Variants in PCNX2 observed in about 807,000 individuals in gnomAD.
The protein encoded by PCNX2 is pecanex-like protein 2.
PCNX2 carries 168 observed loss-of-function variants against 223.8 expected under a neutral mutation model. The observed-to-expected ratio is 0.75, with a 90% CI of 0.66 to 0.85. The LOEUF (loss-of-function observed/expected upper bound fraction) is 0.85. Ranked by LOEUF, PCNX2 falls within the 40% of genes least tolerant of loss-of-function variation. PCNX2 has a pLI of 0.00. For synonymous variants in PCNX2, 1,006 were observed against 1,052.6 expected (o/e 0.96, Z 0.86); for missense variants, 2,507 against 2,675.5 (o/e 0.94, Z 1.39).
At chr1:233,250,462 G>C (rs1293218527) in intron 8 of PCNX2, 1 of 767,418 alleles carries the variant, frequency 1.3e-6, no homozygotes, top group Non-Finnish European at 1.6e-6. Flanking sequence ...CATCTTTCTT[G>C]AAGAGAACAT....
chr1:233,215,260 T>C (rs1682055491), intron 12 of PCNX2, among the ~76,000 whole-genome samples: 1 of 152,226 alleles, frequency 6.6e-6, no homozygotes, highest in Admixed American at 6.5e-5. Context: ...AGAAATATTT[T>C]ATAGCTACCA....
chr1:233,184,748 G>A (rs1197101141), intron 15 of PCNX2, among the ~76,000 whole-genome samples: 1 of 152,080 alleles, frequency 6.6e-6, no homozygotes, highest in Non-Finnish European at 1.5e-5. Context: ...AGGAGTAAAT[G>A]GCAATGTGGC....
intron 15 of PCNX2, among the ~76,000 whole-genome samples, chr1:233,187,844 T>C (rs1315387135): frequency 6.6e-6 from 1 of 152,142 alleles, no homozygotes; most frequent in African/African-American, 2.4e-5. Context: ...GACTTATTAT[T>C]CCTGGTCTCT....
chr1:233,112,715 A>ATC, intron 21 of PCNX2: 1 of 644,122 alleles, frequency 1.6e-6, no homozygotes, highest in Non-Finnish European at 2.0e-6. Context: ...ATCTTTGAAC[A>ATC]ATATAACTAA....
At chr1:233,172,619 T>C (rs759720932) in intron 17 of PCNX2, 49 of 905,660 alleles carry the variant, frequency 5.4e-5, no homozygotes, top group Non-Finnish European at 5.8e-5. Context: ...ATTCCTGTTC[T>C]CCATAGTTCG....
intron 17 of PCNX2, among the ~76,000 whole-genome samples, chr1:233,169,631 C>A (rs375682141): frequency 7.9e-6 from 1 of 126,636 alleles, no homozygotes; most frequent in Non-Finnish European, 1.6e-5. Flanking sequence ...GGCGACAGAG[C>A]GAAACTCCGT....
intron 7 of PCNX2, among the ~76,000 whole-genome samples, chr1:233,251,887 G>A (rs550949299): frequency 6.6e-6 from 1 of 152,192 alleles, no homozygotes; most frequent in Non-Finnish European, 1.5e-5. Context: ...TTATAACAAG[G>A]TGCTGAAAAA....
chr1:233,290,047 G>A (rs1412143370), intron 1 of PCNX2, among the ~76,000 whole-genome samples: 1 of 151,932 alleles, frequency 6.6e-6, no homozygotes, highest in African/African-American at 2.4e-5. Flanking sequence ...AGAAGTAAAG[G>A]AGGAAGGAAG....
chr1:232,984,461 C>T lies in PCNX2; in HGVS notation c.6257G>A (p.Cys2086Tyr), dbSNP rs763475531. ...CTGCTCGGTGGCATCAGGGGGCTCA[C>T]ATGGCTCGGAGAGGTGCTTCCAAAG... is the stretch of plus-strand genomic sequence containing the variant. ...SQATRHLSEP[C>Y]EPPDATEQGQ... is the part of the protein sequence containing the mutation. The change falls in exon 34 of 34, where the codon TGT becomes TAT. Residue 2086 changes from cysteine to tyrosine, a missense_variant. Transcript: ENST00000258229. 1 of 1,613,170 alleles carries T rather than the reference C, an allele frequency of 6.2e-7. No individual in the cohort carries two copies. Among genetic ancestry groups the T allele is most frequent in the East Asian group, 2.2e-5 (1 of 44,834 alleles).
intron 23 of PCNX2, among the ~76,000 whole-genome samples, chr1:233,071,813 CTT>C (rs1189063899): frequency 1.3e-5 from 2 of 152,064 alleles, no homozygotes. Context: ...ATCTGTTATT[CTT>C]TGACTTTTTA....
At chr1:233,098,711 G>T (rs1342379424) in intron 21 of PCNX2, among the ~76,000 whole-genome samples, 1 of 152,120 alleles carries the variant, frequency 6.6e-6, no homozygotes, top group African/African-American at 2.4e-5. Flanking sequence ...ACCAGAAAAA[G>T]GATGTGTTCT....
intron 23 of PCNX2, among the ~76,000 whole-genome samples, chr1:233,062,462 G>C (rs1303290140): frequency 6.6e-6 from 1 of 151,718 alleles, no homozygotes; most frequent in Non-Finnish European, 1.5e-5. Flanking sequence ...TATAAGTTTT[G>C]CTACGTGACT....
At chr1:233,178,492 A>G (rs1016492015) in intron 16 of PCNX2, among the ~76,000 whole-genome samples, 2 of 152,254 alleles carry the variant, frequency 1.3e-5, no homozygotes, top group African/African-American at 4.8e-5. Context: ...GATATGATTA[A>G]AGGGAAGATT....
At chr1:233,237,947 A>G (rs1451612968) in intron 8 of PCNX2, among the ~76,000 whole-genome samples, 1 of 152,208 alleles carries the variant, frequency 6.6e-6, no homozygotes, top group Non-Finnish European at 1.5e-5. Flanking sequence ...AAATTTTTCT[A>G]TAGTTCTTAA....
chr1:233,292,202 C>CTTTTTTTTTT (rs963996089), intron 1 of PCNX2, among the ~76,000 whole-genome samples: 12 of 109,488 alleles, frequency 1.1e-4, no homozygotes, highest in African/African-American at 1.6e-4. Context: ...TTCTTTCTTT[C>CTTTTTTTTTT]TTTTTTTTTT....
At chr1:233,164,595 C>A (rs1024289848) in intron 17 of PCNX2, among the ~76,000 whole-genome samples, 2 of 150,684 alleles carry the variant, frequency 1.3e-5, no homozygotes, top group Non-Finnish European at 1.5e-5. Flanking sequence ...TATATGATAC[C>A]ATTTTTGCAT....
chr1:233,236,711 A>T (rs1335887586), intron 9 of PCNX2, 134 bp downstream of exon 9: 5 of 1,278,580 alleles, frequency 3.9e-6, no homozygotes, highest in Non-Finnish European at 5.4e-6. Flanking sequence ...CCTTGCAGTG[A>T]TATATCAACA....
At chr1:233,167,180 A>G (rs186271291) in intron 17 of PCNX2, among the ~76,000 whole-genome samples, 1 of 152,338 alleles carries the variant, frequency 6.6e-6, no homozygotes, top group East Asian at 1.9e-4. Flanking sequence ...AAGAAATTCT[A>G]ATATAAATGT....
intron 25 of PCNX2, chr1:233,031,996 GC>G (rs1325708201): frequency 2.0e-6 from 2 of 984,918 alleles, no homozygotes; most frequent in African/African-American, 3.5e-5. Flanking sequence ...TGGGGTCTCA[GC>G]CTGCCACAGT....
Sources: allele counts gnomAD v4.1 joint callset (sites outside exome capture counted in the v4.1 genomes callset), GRCh38; gene constraint gnomAD v4.1.1; transcripts MANE v1.5; gene names NCBI Gene and HGNC (gene_info 2026-07-23, HGNC 2026-07-21).